Variants in JAK1 observed in about 807,000 individuals in gnomAD.
The protein encoded by JAK1 is Janus kinase 1, also known as tyrosine-protein kinase JAK1.
Under a neutral mutation model 136.6 loss-of-function variants are expected in JAK1, and 16 were observed. That is an observed-to-expected ratio of 0.12 (90% CI 0.08 to 0.18). The LOEUF is 0.18. Among genes scored for constraint, JAK1 ranks in the 10% least tolerant of loss-of-function variants. JAK1 has a pLI of 1.00. For synonymous variants in JAK1, 492 were observed against 519.5 expected (o/e 0.95, Z 0.72); for missense variants, 859 against 1,450.1 (o/e 0.59, Z 6.62).
At chr1:64,965,954 C>T (rs571299410) in intron 1 of JAK1, among the ~76,000 whole-genome samples, 6 of 152,216 alleles carry the variant, frequency 3.9e-5, no homozygotes, top group Non-Finnish European at 5.9e-5. Context: ...GTACAAGGAG[C>T]TAGGGACGTC....
At chr1:64,972,018 G>A (rs1646456974) in intron 2 of JAK1, among the ~76,000 whole-genome samples, 1 of 152,034 alleles carries the variant, frequency 6.6e-6, no homozygotes. Flanking sequence ...AACAGAACAA[G>A]ACCTTGTCTC....
intron 2 of JAK1, among the ~76,000 whole-genome samples, chr1:65,041,757 G>A (rs1647135954): frequency 6.6e-6 from 1 of 152,046 alleles, no homozygotes; most frequent in Non-Finnish European, 1.5e-5. Flanking sequence ...AAAATATCTG[G>A]GCTGGGCACG....
chr1:65,015,159 C>T (rs1474062828), intron 2 of JAK1, among the ~76,000 whole-genome samples: 2 of 152,006 alleles, frequency 1.3e-5, no homozygotes, highest in African/African-American at 4.8e-5. Context: ...TAGATGGATG[C>T]TCTGAGGTAC....
intron 1 of JAK1, among the ~76,000 whole-genome samples, chr1:64,890,692 A>C (rs1644922143): frequency 6.6e-6 from 1 of 152,234 alleles, no homozygotes; most frequent in Non-Finnish European, 1.5e-5. Flanking sequence ...TAGATGTGTA[A>C]GTGTACAAAA....
intron 2 of JAK1, among the ~76,000 whole-genome samples, chr1:65,028,654 C>T (rs1005106218): frequency 5.9e-5 from 9 of 152,148 alleles, no homozygotes; most frequent in Admixed American, 3.3e-4. Context: ...AAAAATGTGT[C>T]ACTAAAAATT....
intron 2 of JAK1, chr1:64,986,197 C>T: frequency 2.6e-6 from 1 of 385,924 alleles, no homozygotes; most frequent in South Asian, 2.3e-5. Flanking sequence ...CCTCTGCCTC[C>T]CGGGTTCAGG....
At chr1:65,053,452 A>C (rs879388609) in intron 1 of JAK1, among the ~76,000 whole-genome samples, 5 of 151,660 alleles carry the variant, frequency 3.3e-5, no homozygotes, top group African/African-American at 4.9e-5. Context: ...ATGAATGCAG[A>C]GTTTTAAAGA....
intron 1 of JAK1, among the ~76,000 whole-genome samples, chr1:65,067,146 G>A (rs1039917640): frequency 6.6e-6 from 1 of 151,060 alleles, no homozygotes. Flanking sequence ...GGCCCGGCCC[G>A]GCCCGCCCCG....
chr1:64,965,903 T>C (rs1646365560), intron 1 of JAK1, among the ~76,000 whole-genome samples: 1 of 152,136 alleles, frequency 6.6e-6, no homozygotes, highest in Admixed American at 6.5e-5. Context: ...AAAACCTTTC[T>C]GCGCTGCCAC....
chr1:65,032,695 C>T (rs1336915025), intron 2 of JAK1, among the ~76,000 whole-genome samples: 1 of 152,128 alleles, frequency 6.6e-6, no homozygotes, highest in Non-Finnish European at 1.5e-5. Context: ...TTATAAAGTA[C>T]TTATAAATTA....
chr1:64,899,604 T>C (rs1645074118), intron 1 of JAK1, among the ~76,000 whole-genome samples: 1 of 152,180 alleles, frequency 6.6e-6, no homozygotes, highest in Non-Finnish European at 1.5e-5. Context: ...GACTACCACA[T>C]TTCTTGAAGG....
intron 1 of JAK1, among the ~76,000 whole-genome samples, chr1:64,926,046 G>A (rs554793351): frequency 6.6e-6 from 1 of 152,248 alleles, no homozygotes; most frequent in South Asian, 2.1e-4. Context: ...CTGCTGCTCA[G>A]CCAGAGTCAC....
intron 1 of JAK1, among the ~76,000 whole-genome samples, chr1:64,887,286 T>C (rs765845586): frequency 6.6e-5 from 10 of 152,198 alleles, no homozygotes; most frequent in African/African-American, 2.2e-4. Flanking sequence ...GTGATGACTT[T>C]GATTTGGCTA....
At chr1:65,023,244 A>G (rs1166952833) in intron 2 of JAK1, among the ~76,000 whole-genome samples, 1 of 151,976 alleles carries the variant, frequency 6.6e-6, no homozygotes, top group Non-Finnish European at 1.5e-5. Flanking sequence ...CTGGAGACAC[A>G]GGCATACGTA....
chr1:64,838,209 A>G (rs1654615316), intron 21 of JAK1, 105 bp from the exon 22 acceptor site: 2 of 1,218,856 alleles, frequency 1.6e-6, no homozygotes, highest in Non-Finnish European at 2.3e-6. Flanking sequence ...TTCACATATC[A>G]CTGACAATTT....
At chr1:64,911,776 A>G (rs564270009) in intron 1 of JAK1, among the ~76,000 whole-genome samples, 1 of 152,330 alleles carries the variant, frequency 6.6e-6, no homozygotes, top group Admixed American at 6.5e-5. Flanking sequence ...TTTAAATCCA[A>G]GCATAGCTAG....
rs182896529 is a variant in JAK1 at position 64,923,884 on chromosome 1, C to G, written c.-77-37543G>C. ...TTTATGTCATAATGCTCTCCCTTTA[C>G]TACCCTGAAATGAAAATCAAAAATA... On this transcript the variant is annotated intron_variant, in intron 1 of 24. Coordinates refer to ENST00000342505, the MANE Select transcript of JAK1 (RefSeq NM_002227.4). Among the ~76,000 whole-genome samples the G allele has an allele frequency of 1.2e-3, 183 of 152,184 alleles. 1 individual carries two copies. The highest frequency in any genetic ancestry group is 6.8e-3 in the Middle Eastern group (2 of 294).
At chr1:64,961,570 C>T (rs907861845) in intron 1 of JAK1, among the ~76,000 whole-genome samples, 2 of 152,138 alleles carry the variant, frequency 1.3e-5, no homozygotes, top group African/African-American at 4.8e-5. Flanking sequence ...ATGTCCTGCC[C>T]TACCTCCTTC....
At chr1:64,846,998 A>G (rs533110060) in intron 13 of JAK1, 1 of 526,316 alleles carries the variant, frequency 1.9e-6, no homozygotes, top group Non-Finnish European at 3.4e-6. Context: ...GCTGGCTAAG[A>G]ATTTTCCCAC....
Sources: allele counts gnomAD v4.1 joint callset (sites outside exome capture counted in the v4.1 genomes callset), GRCh38; gene constraint gnomAD v4.1.1; transcripts MANE v1.5; gene names NCBI Gene and HGNC (gene_info 2026-07-23, HGNC 2026-07-21).